The following NRAS variants were observed in gnomAD, a reference collection of about 807,000 sequenced individuals.
NRAS encodes GTPase NRas.
In NRAS, 6 loss-of-function variants were observed where a neutral mutation model predicts 21.3. The ratio of observed to expected loss-of-function variants is 0.28; its 90% CI spans 0.15 to 0.56. The LOEUF (loss-of-function observed/expected upper bound fraction) is 0.56. Ranked by LOEUF, NRAS falls within the 20% of genes least tolerant of loss-of-function variation. The pLI is 0.93. For missense variants in NRAS, 143 were observed against 231.3 expected (o/e 0.62, Z 2.48); for synonymous variants, 84 against 82.0 (o/e 1.02, Z -0.13).
intron 3 of NRAS, among the ~76,000 whole-genome samples, chr1:114,712,062 G>A (rs1659061370): frequency 6.6e-6 from 1 of 152,238 alleles, no homozygotes; most frequent in South Asian, 2.1e-4. Flanking sequence ...GTGCTTGATG[G>A]TAATAGCCTA....
intron 2 of NRAS, among the ~76,000 whole-genome samples, chr1:114,715,107 C>T (rs1659126590): frequency 6.6e-6 from 1 of 152,196 alleles, no homozygotes; most frequent in Admixed American, 6.5e-5. Context: ...CGGCTCACTG[C>T]ACCCTCTGCC....
rs1557979783 is a variant in NRAS at position 114,705,211 on chromosome 1, T to C, written c.*2883A>G. On this transcript the variant is annotated 3_prime_UTR_variant, in exon 7 of 7. Coordinates refer to ENST00000369535, the MANE Select transcript of NRAS (RefSeq NM_002524.5). ...AAAAAATTCACAGCAGTTTAAAGGA[T>C]GGTGAAAGACTAAACATGGGCCCAC... 1 of 152,196 alleles carries C rather than the reference T, an allele frequency of 6.6e-6. No individual in the cohort carries two copies. The highest frequency in any genetic ancestry group is 2.4e-5 in the African/African-American group (1 of 41,444). The allele number at this position is 152,196 out of a possible 1,614,324, so 9.4% of individuals were successfully genotyped here.
intron 4 of NRAS, among the ~76,000 whole-genome samples, 155 bp downstream of exon 4, chr1:114,709,414 G>A (rs1188005652): frequency 6.6e-6 from 1 of 151,484 alleles, no homozygotes; most frequent in South Asian, 2.1e-4. Context: ...CAGCTTAGAA[G>A]ATAGAGTGAG....
At chr1:114,708,483 A>G (rs1570870179) in intron 5 of NRAS, 48 bp downstream of exon 5, 1 of 1,586,640 alleles carries the variant, frequency 6.3e-7, no homozygotes, top group East Asian at 2.2e-5. Context: ...AAATTGCCCA[A>G]TACTATATAC....
At chr1:114,716,293 T>C in intron 1 of NRAS, 116 bp from the exon 2 acceptor site, 2 of 748,888 alleles carry the variant, frequency 2.7e-6, no homozygotes, top group Non-Finnish European at 4.8e-6. Flanking sequence ...GTTCTTAAAG[T>C]GACTAGAGAA....
At chr1:114,716,551 C>T in intron 1 of NRAS, 107 bp downstream of exon 1, 1 of 351,870 alleles carries the variant, frequency 2.8e-6, no homozygotes, top group Non-Finnish European at 5.5e-6. Context: ...GACCCCCGCC[C>T]AAGGCCTTTG....
At chr1:114,709,456 AATAAAAAT>A (rs1334489247) in intron 4 of NRAS, 105 bp downstream of exon 4, 7 of 932,464 alleles carry the variant, frequency 7.5e-6, no homozygotes, top group Admixed American at 7.4e-5. Flanking sequence ...AAAATAAAAA[AATAAAAAT>A]GAAAAAAATG....
At chr1:114,714,963 T>C (rs187651289) in intron 2 of NRAS, among the ~76,000 whole-genome samples, 161 of 152,350 alleles carry the variant, frequency 1.1e-3, no homozygotes, top group African/African-American at 3.7e-3. Flanking sequence ...CAGGTGTTGA[T>C]TAAAATAATC....
intron 3 of NRAS, among the ~76,000 whole-genome samples, chr1:114,711,774 C>G (rs1659052423): frequency 6.6e-6 from 1 of 152,158 alleles, no homozygotes; most frequent in Non-Finnish European, 1.5e-5. Context: ...GCACACCACA[C>G]AGCACACCTG....
At chr1:114,715,916 A>G in intron 2 of NRAS, 134 bp downstream of exon 2, 1 of 713,914 alleles carries the variant, frequency 1.4e-6, no homozygotes, top group Non-Finnish European at 2.6e-6. Context: ...CGTTAAGCTT[A>G]TTGCATAACT....
chr1:114,711,425 C>T (rs1336008701), intron 3 of NRAS, among the ~76,000 whole-genome samples: 1 of 151,802 alleles, frequency 6.6e-6, no homozygotes, highest in Non-Finnish European at 1.5e-5. Context: ...TGGTGAAACC[C>T]CAAGTCTACT....
chr1:114,710,252 T>TTATATATAATTTATA (rs1659014951), intron 3 of NRAS, among the ~76,000 whole-genome samples: 2 of 69,500 alleles, frequency 2.9e-5, no homozygotes, highest in Non-Finnish European at 4.8e-5. Context: ...TTATATATAT[T>TTATATATAATTTATA]ATATATAAAT....
intron 3 of NRAS, among the ~76,000 whole-genome samples, chr1:114,712,185 C>T (rs1413762834): frequency 6.6e-6 from 1 of 152,158 alleles, no homozygotes; most frequent in Non-Finnish European, 1.5e-5. Context: ...TCCTTCTAGT[C>T]CGAGCAACTT....
intron 4 of NRAS, among the ~76,000 whole-genome samples, chr1:114,709,293 C>T (rs1005158223): frequency 3.3e-5 from 5 of 151,648 alleles, no homozygotes; most frequent in Admixed American, 6.6e-5. Flanking sequence ...AAAAATTAGC[C>T]GGGCATGATG....
At chr1:114,716,246 C>T (rs1363910512) in intron 1 of NRAS, 69 bp from the exon 2 acceptor site, 2 of 929,940 alleles carry the variant, frequency 2.2e-6, no homozygotes, top group African/African-American at 3.2e-5. Flanking sequence ...TTTCTATAAT[C>T]AATGGAAATG....
chr1:114,711,291 A>G (rs1204416004), intron 3 of NRAS, among the ~76,000 whole-genome samples: 2 of 151,522 alleles, frequency 1.3e-5, no homozygotes, highest in Admixed American at 1.3e-4. Flanking sequence ...ACAGAGGGAG[A>G]CTCCATCTCT....
chr1:114,713,723 A>C, intron 3 of NRAS, 77 bp downstream of exon 3: 1 of 1,215,380 alleles, frequency 8.2e-7, no homozygotes, highest in Admixed American at 1.7e-5. Context: ...TATCTTCCCT[A>C]GTGTGGTAAC....
At position 114,714,476 on chromosome 1, in the gene NRAS, CA is replaced by C. The variant is rs1570875389; in HGVS notation, c.112-499del. Among the ~76,000 whole-genome samples, 6 of 151,934 alleles carry C rather than the reference CA, an allele frequency of 3.9e-5. 1 individual carries two copies. In the East Asian group the frequency reaches 1.2e-3, roughly 29 times the overall value. ...AGAGAAGGTTTTTTTTTTATCATGA[CA>C]GATGTACCTTTGGGAAATATTCCTG... On this transcript the variant is annotated intron_variant, in intron 2 of 6. Coordinates refer to ENST00000369535, the MANE Select transcript of NRAS (RefSeq NM_002524.5).
intron 1 of NRAS, 104 bp from the exon 2 acceptor site, chr1:114,716,281 T>G (rs908451112): frequency 2.5e-6 from 2 of 788,302 alleles, no homozygotes; most frequent in Admixed American, 3.6e-5. Context: ...ACCTTCCATT[T>G]GGTTCTTAAA....
Sources: gnomAD v4.1 joint callset for allele counts (sites outside exome capture counted in the v4.1 genomes callset) on GRCh38, gnomAD v4.1.1 for gene constraint, MANE v1.5 for transcripts, NCBI Gene and HGNC (gene_info 2026-07-23, HGNC 2026-07-21) for gene names.